The following CRYL1 variants were observed in gnomAD, a reference collection of about 807,000 sequenced individuals.
CRYL1 encodes lambda-crystallin homolog.
CRYL1 carries 29 observed loss-of-function variants against 36.6 expected under a neutral mutation model. The ratio of observed to expected loss-of-function variants is 0.79; its 90% CI spans 0.59 to 1.08. The LOEUF is 1.08. Among genes scored for constraint, CRYL1 ranks in the 50% least tolerant of loss-of-function variants. The pLI is 0.00. For missense variants in CRYL1, 411 were observed against 407.9 expected (o/e 1.01, Z -0.06); for synonymous variants, 152 against 151.5 (o/e 1.00, Z -0.02).
intron 2 of CRYL1, among the ~76,000 whole-genome samples, chr13:20,505,563 C>T (rs1006196455): frequency 1.3e-5 from 2 of 152,044 alleles, no homozygotes; most frequent in Admixed American, 1.3e-4. Flanking sequence ...GGACAGGAAA[C>T]GTGCCTGTTG....
At chr13:20,409,332 C>T (rs2031460134) in intron 6 of CRYL1, among the ~76,000 whole-genome samples, 2 of 151,558 alleles carry the variant, frequency 1.3e-5, no homozygotes, top group East Asian at 3.9e-4. Context: ...TTCCTTACAC[C>T]TTATACAAAA....
At chr13:20,482,980 G>A (rs562679181) in intron 3 of CRYL1, among the ~76,000 whole-genome samples, 1 of 152,258 alleles carries the variant, frequency 6.6e-6, no homozygotes, top group African/African-American at 2.4e-5. Context: ...ATGTAGGGGA[G>A]CTAAAGCAGT....
In CRYL1 at chr13:20,425,114, G is replaced by A. The variant is rs755539992; in HGVS notation, c.633+6988C>T. Among the ~76,000 whole-genome samples, 20 of 152,178 alleles carry A rather than the reference G, an allele frequency of 1.3e-4. No homozygotes were observed. The highest frequency in any genetic ancestry group is 2.5e-4 in the Non-Finnish European group (17 of 68,036). On this transcript the variant is annotated intron_variant, in intron 5 of 7. Transcript: ENST00000298248. This position sits in a 1 kb window ranked among gnomAD's most constrained non-coding sequence, Gnocchi z 4.4. The stretch of plus-strand genomic sequence containing the variant: ...ATTTTCCCCCGGACACATTCCAGGT[G>A]CACCACAGTCTGAAGCAAACCACAG...
At chr13:20,433,023 AATT>A (rs1163333573) in intron 4 of CRYL1, among the ~76,000 whole-genome samples, 1 of 152,124 alleles carries the variant, frequency 6.6e-6, no homozygotes. Flanking sequence ...CTCAAAAATA[AATT>A]ATTAGCAGTG....
Position 20,525,738 on chromosome 13 carries a change from G to A in CRYL1, c.41+16C>T. On this transcript the variant is annotated intron_variant, in intron 1 of 7. Coordinates refer to ENST00000298248, the MANE Select transcript of CRYL1 (RefSeq NM_015974.3). The surrounding 1 kb of genome is among the most constrained non-coding windows in gnomAD (Gnocchi z 4.3). ...CCCGGGCTCCAGGGGCAGCAGCGCG[G>A]CTCGGAGCCCTTTACCTGCCAACGA... The A allele has an allele frequency of 7.4e-7, 1 of 1,346,646 alleles. No homozygotes were observed. 83.4% of individuals were successfully genotyped at this position (1,346,646 alleles called of 1,614,324 possible). A position where few individuals can be genotyped will look rare whatever the true frequency, so the allele number is the denominator to read the frequency against.
chr13:20,456,011 G>T (rs187312046), intron 3 of CRYL1, among the ~76,000 whole-genome samples: 3 of 152,156 alleles, frequency 2.0e-5, no homozygotes, highest in Non-Finnish European at 4.4e-5. Flanking sequence ...TCAACAAATG[G>T]TGCTGGACAA....
intron 3 of CRYL1, among the ~76,000 whole-genome samples, chr13:20,469,812 C>A (rs1323080795): frequency 6.6e-6 from 1 of 152,210 alleles, no homozygotes; most frequent in African/African-American, 2.4e-5. Context: ...CAATGTCTGG[C>A]CCCATGGGAA....
intron 2 of CRYL1, among the ~76,000 whole-genome samples, chr13:20,503,743 T>C (rs1257922799): frequency 6.6e-6 from 1 of 151,896 alleles, no homozygotes; most frequent in Non-Finnish European, 1.5e-5. Context: ...AAACTAAAGG[T>C]TTCAAATCAG....
intron 3 of CRYL1, among the ~76,000 whole-genome samples, chr13:20,451,885 C>T (rs187937391): frequency 1.4e-4 from 22 of 152,156 alleles, no homozygotes; most frequent in Non-Finnish European, 3.1e-4. Context: ...AACTTAGGTA[C>T]CCATCAACAC....
At chr13:20,447,154 A>G (rs961210917) in intron 3 of CRYL1, among the ~76,000 whole-genome samples, 3 of 152,218 alleles carry the variant, frequency 2.0e-5, no homozygotes, top group Non-Finnish European at 4.4e-5. Flanking sequence ...TAGGACTACT[A>G]TCATAAATTT....
intron 3 of CRYL1, among the ~76,000 whole-genome samples, chr13:20,449,884 C>T (rs1347688220): frequency 6.6e-6 from 1 of 152,028 alleles, no homozygotes; most frequent in South Asian, 2.1e-4. Context: ...TACTTCTAAC[C>T]AAGGAGGTGA....
chr13:20,449,369 C>T (rs750150036), intron 3 of CRYL1, among the ~76,000 whole-genome samples: 1 of 151,884 alleles, frequency 6.6e-6, no homozygotes, highest in Non-Finnish European at 1.5e-5. Context: ...TGCTTTAAAT[C>T]CTATGGTTAT....
At chr13:20,408,725 A>T (rs2031445448) in intron 6 of CRYL1, among the ~76,000 whole-genome samples, 1 of 152,194 alleles carries the variant, frequency 6.6e-6, no homozygotes, top group African/African-American at 2.4e-5. Flanking sequence ...AGAGAGCCAA[A>T]TCATGAGTGA....
rs925009531 is a variant in CRYL1 at position 20,525,513 on chromosome 13, G to T, written c.41+241C>A. ...GGTCAACCTCGGAACCTCCTGCAAC[G>T]CTGGCTCCCGGGAAGCAGACCCAAC... On this transcript the variant is annotated intron_variant, in intron 1 of 7. Transcript: ENST00000298248. This position sits in a 1 kb window ranked among gnomAD's most constrained non-coding sequence, Gnocchi z 4.3. Among the ~76,000 whole-genome samples, 3 of 152,152 alleles carry T rather than the reference G, an allele frequency of 2.0e-5. No individual in the cohort carries two copies. The highest frequency in any genetic ancestry group is 7.2e-5 in the African/African-American group (3 of 41,428).
chr13:20,500,986 T>G (rs745933563), intron 2 of CRYL1, among the ~76,000 whole-genome samples: 1 of 152,156 alleles, frequency 6.6e-6, no homozygotes, highest in Non-Finnish European at 1.5e-5. Context: ...TCCAGGCCCC[T>G]CATTCACCAT....
intron 3 of CRYL1, among the ~76,000 whole-genome samples, chr13:20,467,547 C>T (rs9552194): frequency 6.6e-6 from 1 of 152,098 alleles, no homozygotes; most frequent in South Asian, 2.1e-4. Flanking sequence ...CTGGGCCTTG[C>T]GTGGTAGCTC....
At chr13:20,493,097 C>T (rs1044302613) in intron 2 of CRYL1, among the ~76,000 whole-genome samples, 1 of 152,228 alleles carries the variant, frequency 6.6e-6, no homozygotes, top group African/African-American at 2.4e-5. Context: ...TGCACAGACT[C>T]GGGTTGGCTG....
chr13:20,470,232 C>A (rs904262846), intron 3 of CRYL1, among the ~76,000 whole-genome samples: 5 of 152,250 alleles, frequency 3.3e-5, no homozygotes, highest in Non-Finnish European at 7.3e-5. Context: ...CTCTGCCCCA[C>A]TGCCGCGACT....
At chr13:20,419,598 G>C (rs1321787744) in intron 5 of CRYL1, among the ~76,000 whole-genome samples, 1 of 152,012 alleles carries the variant, frequency 6.6e-6, no homozygotes, top group Non-Finnish European at 1.5e-5. Flanking sequence ...GGATAATTTT[G>C]TATTTTTAGT....
Sources: allele counts gnomAD v4.1 joint callset (sites outside exome capture counted in the v4.1 genomes callset), GRCh38; gene constraint gnomAD v4.1.1; non-coding constraint Gnocchi (gnomAD v3.1); transcripts MANE v1.5; gene names NCBI Gene and HGNC (gene_info 2026-07-23, HGNC 2026-07-21).